KCNK2: variants seen among roughly 807,000 people sequenced by gnomAD.
KCNK2 encodes the protein potassium channel subfamily K member 2.
A neutral mutation model predicts 40.5 loss-of-function variants in KCNK2; 21 were observed. The ratio of observed to expected loss-of-function variants is 0.52; its 90% CI spans 0.37 to 0.75. KCNK2 has a LOEUF of 0.75. KCNK2 is among the 30% of genes least tolerant of loss of function. KCNK2 has a pLI of 0.00. For synonymous variants in KCNK2, 191 were observed against 202.2 expected (o/e 0.94, Z 0.47); for missense variants, 399 against 531.6 (o/e 0.75, Z 2.45).
intron 1 of KCNK2, among the ~76,000 whole-genome samples, chr1:215,011,501 C>G (rs1656387018): frequency 6.6e-6 from 1 of 152,226 alleles, no homozygotes; most frequent in African/African-American, 2.4e-5. Context: ...GCTATGTTGC[C>G]AGGCTGGTCT....
At chr1:215,203,793 C>G (rs1665181395) in intron 6 of KCNK2, among the ~76,000 whole-genome samples, 1 of 151,834 alleles carries the variant, frequency 6.6e-6, no homozygotes, top group East Asian at 1.9e-4. Context: ...ACTAGTTTCT[C>G]TTTGGGAGGC....
At chr1:215,056,002 G>A (rs540037415) in intron 1 of KCNK2, among the ~76,000 whole-genome samples, 19 of 152,142 alleles carry the variant, frequency 1.2e-4, no homozygotes, top group African/African-American at 4.1e-4. Flanking sequence ...ATTCATCTGC[G>A]TTTCATTTTT....
intron 1 of KCNK2, among the ~76,000 whole-genome samples, chr1:215,026,757 A>G (rs1657014674): frequency 6.6e-6 from 1 of 152,016 alleles, no homozygotes; most frequent in Non-Finnish European, 1.5e-5. Context: ...TTTTTATGCA[A>G]TTCAAGTTGA....
chr1:215,066,490 T>G (rs1658548697), intron 1 of KCNK2, among the ~76,000 whole-genome samples: 2 of 152,142 alleles, frequency 1.3e-5, no homozygotes, highest in South Asian at 4.1e-4. Context: ...TAAAGAAATT[T>G]CAAAAGAGAA....
chr1:215,186,872 C>A (rs1384733451), intron 5 of KCNK2, among the ~76,000 whole-genome samples: 2 of 152,104 alleles, frequency 1.3e-5, no homozygotes, highest in African/African-American at 4.8e-5. Flanking sequence ...GTAAGCAGAC[C>A]CCTGTTGCTA....
intron 1 of KCNK2, among the ~76,000 whole-genome samples, chr1:215,007,853 A>G (rs1186334503): frequency 6.6e-6 from 1 of 152,186 alleles, no homozygotes; most frequent in African/African-American, 2.4e-5. Flanking sequence ...CATATAAAAC[A>G]ATAGATAAAT....
intron 2 of KCNK2, among the ~76,000 whole-genome samples, chr1:215,091,106 C>A (rs923285326): frequency 6.6e-6 from 1 of 152,138 alleles, no homozygotes; most frequent in East Asian, 1.9e-4. Flanking sequence ...GGAATCCCTA[C>A]GTGTTGGGGC....
At chr1:215,214,712 A>C (rs1350670950) in intron 6 of KCNK2, among the ~76,000 whole-genome samples, 3 of 151,958 alleles carry the variant, frequency 2.0e-5, no homozygotes, top group Non-Finnish European at 4.4e-5. Flanking sequence ...TGTACCCCCA[A>C]CTACTCAGGA....
chr1:215,051,940 T>C (rs1658004819), intron 1 of KCNK2, among the ~76,000 whole-genome samples: 2 of 152,322 alleles, frequency 1.3e-5, no homozygotes, highest in Admixed American at 6.5e-5. Flanking sequence ...TATGCTCACC[T>C]GCAAACAGAT....
intron 6 of KCNK2, among the ~76,000 whole-genome samples, chr1:215,218,194 G>C (rs552009759): frequency 1.1e-4 from 17 of 152,152 alleles, no homozygotes; most frequent in Non-Finnish European, 2.5e-4. Flanking sequence ...GGAATGATTA[G>C]AGTTGTGGTC....
chr1:215,140,667 C>A (rs4497183), intron 3 of KCNK2, among the ~76,000 whole-genome samples: 83,823 of 151,826 alleles, frequency 0.55, 25,646 homozygotes, highest in Non-Finnish European at 0.68. Flanking sequence ...TAGGGACTTA[C>A]CATAAATGAG....
At chr1:215,009,754 C>CA (rs1020710987) in intron 1 of KCNK2, among the ~76,000 whole-genome samples, 4 of 151,270 alleles carry the variant, frequency 2.6e-5, no homozygotes, top group Non-Finnish European at 4.4e-5. Context: ...CAATCTGGCA[C>CA]AAAAAAAAGA....
chr1:215,031,762 A>C lies in KCNK2; in HGVS notation c.34+25807A>C, dbSNP rs1657198436. Among the ~76,000 whole-genome samples the C allele has an allele frequency of 2.0e-5, 3 of 152,314 alleles. No homozygotes were observed. In the South Asian group the frequency reaches 6.2e-4, roughly 32 times the overall value. On this transcript the variant is annotated intron_variant, in intron 1 of 6. Coordinates refer to the KCNK2 transcript ENST00000391895. ...AATTGATTTTTGTATATTGACTTAT[A>C]TTCTGCATTCTTACTCAGATTGTTC...
At chr1:215,224,934 G>GTT (rs1666323942) in intron 6 of KCNK2, among the ~76,000 whole-genome samples, 1 of 152,030 alleles carries the variant, frequency 6.6e-6, no homozygotes, top group Non-Finnish European at 1.5e-5. Context: ...CTGATACTTG[G>GTT]GTTGCGTTGA....
At chr1:215,173,614 T>C (rs1345254196) in intron 5 of KCNK2, among the ~76,000 whole-genome samples, 2 of 151,970 alleles carry the variant, frequency 1.3e-5, no homozygotes, top group Non-Finnish European at 2.9e-5. Context: ...TATTTCTCCA[T>C]ATCCTCTCCA....
intron 3 of KCNK2, among the ~76,000 whole-genome samples, chr1:215,153,017 A>G (rs1662752645): frequency 6.6e-6 from 1 of 152,226 alleles, no homozygotes; most frequent in Non-Finnish European, 1.5e-5. Flanking sequence ...TTAGTCAAAT[A>G]GAACTCTTCA....
At chr1:215,107,693 TG>T (rs1462880561) in intron 2 of KCNK2, among the ~76,000 whole-genome samples, 1 of 152,166 alleles carries the variant, frequency 6.6e-6, no homozygotes, top group East Asian at 1.9e-4. Context: ...TCAAGTTATT[TG>T]TTTTTTTTTC....
At position 215,082,757 on chromosome 1, in the gene KCNK2, A is replaced by G. The variant is rs1659218472; in HGVS notation, c.-629A>G. 6.6e-6 allele frequency among the ~76,000 whole-genome samples: 1 copy of G among 151,998 alleles called. No individual in the cohort carries two copies. Among genetic ancestry groups the G allele is most frequent in the South Asian group, 2.1e-4 (1 of 4,830 alleles). ...GAGGGAAACGAGCCGGCAAGGGGCG[A>G]CAGGAGCGAGCCGGGAAGGGAGAGC... On this transcript the variant is annotated 5_prime_UTR_variant, in exon 1 of 7. Coordinates refer to ENST00000444842, the MANE Select transcript of KCNK2 (RefSeq NM_001017425.3).
chr1:215,035,382 C>T (rs1263021671), intron 1 of KCNK2, among the ~76,000 whole-genome samples: 1 of 152,070 alleles, frequency 6.6e-6, no homozygotes, highest in African/African-American at 2.4e-5. Context: ...ATAGTTCGAT[C>T]ACTCTACAAA....
Sources: allele counts gnomAD v4.1 joint callset (sites outside exome capture counted in the v4.1 genomes callset), GRCh38; gene constraint gnomAD v4.1.1; transcripts MANE v1.5; gene names NCBI Gene and HGNC (gene_info 2026-07-23, HGNC 2026-07-21).